ZFYVE1: variants seen among roughly 807,000 people sequenced by gnomAD.
ZFYVE1 encodes the protein zinc finger FYVE domain-containing protein 1.
A neutral mutation model predicts 74.4 loss-of-function variants in ZFYVE1; 30 were observed. The observed-to-expected ratio is 0.40, with a 90% CI of 0.30 to 0.55. The LOEUF is 0.55. ZFYVE1 is among the 20% of genes least tolerant of loss of function. The pLI, the probability that ZFYVE1 is intolerant of heterozygous loss-of-function variation, is 0.42. For missense variants in ZFYVE1, 703 were observed against 1,011.6 expected, an observed-to-expected ratio of 0.69 and a Z score of 4.14; for synonymous variants, 335 against 385.1, an observed-to-expected ratio of 0.87 and a Z score of 1.52.
intron 2 of ZFYVE1, among the ~76,000 whole-genome samples, chr14:73,001,934 C>T (rs1567357460): frequency 6.6e-6 from 1 of 150,996 alleles, no homozygotes; most frequent in Admixed American, 6.6e-5. Context: ...GGCGACAAAG[C>T]GAGATTCAGT....
Position 72,975,462 on chromosome 14 carries a change from C to G in ZFYVE1, c.1806+89G>C. The stretch of plus-strand genomic sequence containing the variant: ...GCACTGGCAGAAAATGTTTGCGTCT[C>G]CCTCACAGAACAAGCTTAGCACAGG... On this transcript the variant is annotated intron_variant, in intron 9 of 11. Transcript: ENST00000556143. This position sits in a 1 kb window ranked among gnomAD's most constrained non-coding sequence, Gnocchi z 4.1. The G allele has an allele frequency of 6.8e-7, 1 of 1,480,624 alleles. No homozygotes were observed. The allele number at this position is 1,480,624 out of a possible 1,614,324, so 91.7% of individuals were successfully genotyped here.
At chr14:72,997,757 C>G (rs1158562852) in intron 3 of ZFYVE1, 54 bp downstream of exon 3, 1 of 1,515,172 alleles carries the variant, frequency 6.6e-7, no homozygotes, top group Non-Finnish European at 8.8e-7. Context: ...GACCAAATAG[C>G]TGCCTCCTTG....
Position 72,978,947 on chromosome 14 carries a change from T to A in ZFYVE1, c.1333A>T (p.Asn445Tyr). The part of the protein sequence containing the change: ...SCGVGCKKSM[N>Y]HGKEGVPHEA... ...TGAGGCACTCCTTCCTTCCCATGAT[T>A]CATGCTTTTCTTACATCCAACCCTG... The change falls in exon 6 of 12, where the codon AAT becomes TAT. Residue 445 changes from asparagine to tyrosine, a missense_variant. Physicochemically the swap from Asn to Tyr is moderately radical, Grantham distance 143. Around this residue, in one of 2 missense-constraint regions of ZFYVE1, gnomAD observed 492 missense variants for 790.0 expected, o/e 0.62. Transcript: ENST00000556143. 1 of 1,613,936 alleles carries A rather than the reference T, an allele frequency of 6.2e-7. No homozygotes were observed. The highest frequency in any genetic ancestry group is 8.5e-7 in the Non-Finnish European group (1 of 1,179,858).
chr14:73,015,825 TGGGCAC>T (rs1339717215), intron 2 of ZFYVE1, among the ~76,000 whole-genome samples: 2 of 152,066 alleles, frequency 1.3e-5, no homozygotes, highest in Non-Finnish European at 2.9e-5. Context: ...GCAGTCTTGT[TGGGCAC>T]GGTGGCTCAC....
Position 72,997,850 on chromosome 14 carries a change from T to C in ZFYVE1, c.949A>G (p.Ile317Val), listed in dbSNP as rs1489854016. 1 of 1,605,004 alleles carries C rather than the reference T, an allele frequency of 6.2e-7. No individual in the cohort carries two copies. The highest frequency in any genetic ancestry group is 1.3e-5 in the African/African-American group (1 of 74,714). Reference sequence around the variant, plus strand: ...TGGGTGTGCACGGTCTCATGGAAGATGATAACTGCAGGGCCCAGTGTGGAT... The same window carrying C: ...TGGGTGTGCACGGTCTCATGGAAGACGATAACTGCAGGGCCCAGTGTGGAT... ...PLSTLGPAVI[I>V]FHETVHTQLL... is the part of the protein sequence containing the mutation. Residue 317 changes from isoleucine (I) to valine (V), a missense_variant, in exon 3 of 12, where the codon ATC becomes GTC. Coordinates refer to ENST00000556143, the MANE Select transcript of ZFYVE1 (RefSeq NM_021260.4).
At chr14:72,998,467 G>T in intron 2 of ZFYVE1, 152 bp from the exon 3 acceptor site, 1 of 645,110 alleles carries the variant, frequency 1.6e-6, no homozygotes, top group Non-Finnish European at 2.3e-6. Flanking sequence ...TCCACCCTTA[G>T]CAAACAGCTC....
intron 4 of ZFYVE1, among the ~76,000 whole-genome samples, chr14:72,987,466 G>A (rs958997894): frequency 6.6e-6 from 1 of 152,100 alleles, no homozygotes; most frequent in African/African-American, 2.4e-5. Context: ...TACTTGAGAG[G>A]CTGCGGTGGG....
chr14:72,994,742 T>C (rs1322120708), intron 3 of ZFYVE1, among the ~76,000 whole-genome samples: 2 of 152,176 alleles, frequency 1.3e-5, no homozygotes, highest in African/African-American at 2.4e-5. Context: ...TAGCAACATA[T>C]ATATGCAACT....
At chr14:72,999,656 T>C (rs1893827605) in intron 2 of ZFYVE1, among the ~76,000 whole-genome samples, 1 of 152,000 alleles carries the variant, frequency 6.6e-6, no homozygotes, top group Non-Finnish European at 1.5e-5. Flanking sequence ...GAGCCAGGCA[T>C]GGTGGCATCC....
intron 2 of ZFYVE1, among the ~76,000 whole-genome samples, chr14:73,008,277 A>G (rs896148736): frequency 3.9e-5 from 6 of 152,152 alleles, no homozygotes; most frequent in Non-Finnish European, 8.8e-5. Context: ...CTCCTGCCTC[A>G]GCTTCCTAAG....
intron 2 of ZFYVE1, among the ~76,000 whole-genome samples, chr14:73,023,430 A>G (rs914905344): frequency 2.4e-4 from 33 of 135,326 alleles, no homozygotes; most frequent in Non-Finnish European, 9.4e-5. Flanking sequence ...TTTTATATAT[A>G]TTATATATAT....
At chr14:72,996,536 GGT>G in intron 3 of ZFYVE1, among the ~76,000 whole-genome samples, 1 of 152,248 alleles carries the variant, frequency 6.6e-6, no homozygotes, top group South Asian at 2.1e-4. Context: ...TGAGATTACA[GGT>G]GTGAGCCACC....
chr14:73,020,857 C>A (rs564816458), intron 2 of ZFYVE1, among the ~76,000 whole-genome samples: 89 of 152,268 alleles, frequency 5.8e-4, no homozygotes, highest in Non-Finnish European at 1.0e-3. Flanking sequence ...TGCCTGTAAT[C>A]CCAGGTACTG....
At chr14:73,006,437 T>C (rs1198332675) in intron 2 of ZFYVE1, among the ~76,000 whole-genome samples, 1 of 151,580 alleles carries the variant, frequency 6.6e-6, no homozygotes, top group Admixed American at 6.6e-5. Context: ...TAGCTGGGTG[T>C]GGTGGCACAT....
chr14:72,975,851 C>T lies in ZFYVE1; in HGVS notation c.1636-130G>A, dbSNP rs1893156148. 9.0e-6 allele frequency: 9 copies of T among 1,003,946 alleles called. No individual in the cohort carries two copies. The highest frequency in any genetic ancestry group is 2.6e-5 in the Admixed American group (1 of 38,004). The allele number at this position is 1,003,946 out of a possible 1,614,324, so 62.2% of individuals were successfully genotyped here. On this transcript the variant is annotated intron_variant, in intron 8 of 11. Coordinates refer to ENST00000556143, the MANE Select transcript of ZFYVE1 (RefSeq NM_021260.4). The surrounding 1 kb of genome is among the most constrained non-coding windows in gnomAD (Gnocchi z 4.1). ...CCACTAACTCCCTGGCAGGGAAGAA[C>T]GGAGACACACCAGGAATCCCTCTGG...
chr14:72,981,383 G>A (rs1218545858), intron 5 of ZFYVE1, among the ~76,000 whole-genome samples: 2 of 152,176 alleles, frequency 1.3e-5, no homozygotes, highest in Admixed American at 1.3e-4. Flanking sequence ...ATAGTGTTTT[G>A]CACAGGGGGG....
At chr14:72,980,274 G>C (rs1178664721) in intron 5 of ZFYVE1, among the ~76,000 whole-genome samples, 2 of 152,216 alleles carry the variant, frequency 1.3e-5, no homozygotes, top group Non-Finnish European at 2.9e-5. Flanking sequence ...ACAGATGTAG[G>C]TCAGGTCTAC....
intron 4 of ZFYVE1, among the ~76,000 whole-genome samples, chr14:72,985,721 A>G (rs78065922): frequency 0.13 from 19,517 of 151,890 alleles, 1,552 homozygotes; most frequent in East Asian, 0.2. Flanking sequence ...GAAGGTATAG[A>G]GAACACCAAA....
At chr14:73,004,689 G>A (rs1283950824) in intron 2 of ZFYVE1, among the ~76,000 whole-genome samples, 2 of 151,996 alleles carry the variant, frequency 1.3e-5, no homozygotes, top group Admixed American at 6.6e-5. Context: ...TGCACCGACT[G>A]CATTTTCGTC....
Sources: gnomAD v4.1 joint callset for allele counts (sites outside exome capture counted in the v4.1 genomes callset) on GRCh38, gnomAD v4.1.1 for gene constraint, gnomAD v4.1.1 regional missense constraint, Gnocchi (gnomAD v3.1) non-coding constraint, MANE v1.5 for transcripts, NCBI Gene and HGNC (gene_info 2026-07-23, HGNC 2026-07-21) for gene names.